Variants in ATRNL1 observed in about 807,000 individuals in gnomAD.
ATRNL1 encodes the protein attractin like 1, also known as attractin-like protein 1.
In ATRNL1, 95 loss-of-function variants were observed where a neutral mutation model predicts 182.7. The observed-to-expected ratio is 0.52, with a 90% CI of 0.44 to 0.62. The LOEUF (loss-of-function observed/expected upper bound fraction) is 0.62. Among genes scored for constraint, ATRNL1 ranks in the 20% least tolerant of loss-of-function variants. The probability of loss-of-function intolerance (pLI) is 0.00; values close to 1 mark genes in which losing one functional copy is unlikely to be tolerated. For synonymous variants in ATRNL1, 576 were observed against 568.3 expected, an observed-to-expected ratio of 1.01 and a Z score of -0.19; for missense variants, 1,471 against 1,679.5, an observed-to-expected ratio of 0.88 and a Z score of 2.17.
intron 13 of ATRNL1, among the ~76,000 whole-genome samples, chr10:115,270,866 T>C: frequency 6.6e-6 from 1 of 152,056 alleles, no homozygotes; most frequent in East Asian, 1.9e-4. Context: ...CCATTACAAG[T>C]CTACCCCTTG....
chr10:115,826,529 C>T (rs1950436513), intron 27 of ATRNL1, among the ~76,000 whole-genome samples: 1 of 152,134 alleles, frequency 6.6e-6, no homozygotes, highest in South Asian at 2.1e-4. Context: ...TTTACTCTCA[C>T]CTCCTGCAGC....
In ATRNL1 at chr10:115,866,498, T is replaced by C. The variant is rs78168986; in HGVS notation, c.4018+18507T>C. Reference sequence around the variant, plus strand: ...AGTAACTCTGTAAGGTAGATACTACTGTGTCTATTTGACAAATTAGCAAAA... The same window carrying C: ...AGTAACTCTGTAAGGTAGATACTACCGTGTCTATTTGACAAATTAGCAAAA... On this transcript the variant is annotated intron_variant, in intron 28 of 28. Transcript: ENST00000355044. Among the ~76,000 whole-genome samples the C allele has an allele frequency of 6.8e-4, 104 of 152,336 alleles. No individual in the cohort carries two copies. In the East Asian group the frequency reaches 0.019, roughly 29 times the overall value.
chr10:115,897,195 A>C (rs955394593), intron 28 of ATRNL1, among the ~76,000 whole-genome samples: 1 of 152,222 alleles, frequency 6.6e-6, no homozygotes, highest in Admixed American at 6.5e-5. Context: ...AAATATATTC[A>C]ATCTTGCTAA....
At chr10:115,764,162 G>T (rs1948799951) in intron 27 of ATRNL1, among the ~76,000 whole-genome samples, 1 of 151,974 alleles carries the variant, frequency 6.6e-6, no homozygotes, top group African/African-American at 2.4e-5. Flanking sequence ...TATTTTTTTA[G>T]AGCAGTTTTA....
chr10:115,459,473 G>A (rs1438298129), intron 21 of ATRNL1, among the ~76,000 whole-genome samples: 1 of 152,098 alleles, frequency 6.6e-6, no homozygotes, highest in Non-Finnish European at 1.5e-5. Flanking sequence ...TGTCTCTTAT[G>A]GTTGAGATTG....
At chr10:115,150,387 G>C (rs1323498559) in intron 5 of ATRNL1, among the ~76,000 whole-genome samples, 4 of 150,788 alleles carry the variant, frequency 2.7e-5, no homozygotes, top group African/African-American at 9.8e-5. Flanking sequence ...TTTGAGTTTG[G>C]TTTATTCTTA....
At chr10:115,509,304 G>A (rs1230076884) in intron 24 of ATRNL1, among the ~76,000 whole-genome samples, 2 of 151,978 alleles carry the variant, frequency 1.3e-5, no homozygotes, top group East Asian at 1.9e-4. Context: ...TTTCATGCCT[G>A]CTAACACAAT....
At chr10:115,201,570 G>C (rs1329025985) in intron 8 of ATRNL1, among the ~76,000 whole-genome samples, 2 of 152,094 alleles carry the variant, frequency 1.3e-5, no homozygotes, top group South Asian at 2.1e-4. Flanking sequence ...TGAGGGTTCT[G>C]TTCTGTTCCA....
At chr10:115,665,531 G>A (rs1860949694) in intron 26 of ATRNL1, among the ~76,000 whole-genome samples, 1 of 151,968 alleles carries the variant, frequency 6.6e-6, no homozygotes, top group Non-Finnish European at 1.5e-5. Flanking sequence ...ATGACGAGGA[G>A]GAAGAAGAAG....
At chr10:115,486,329 C>T (rs1230800589) in intron 24 of ATRNL1, among the ~76,000 whole-genome samples, 1 of 152,130 alleles carries the variant, frequency 6.6e-6, no homozygotes, top group Non-Finnish European at 1.5e-5. Flanking sequence ...ACACTGTCTT[C>T]CACAATGGTT....
At chr10:115,452,666 C>A (rs1195230034) in intron 21 of ATRNL1, among the ~76,000 whole-genome samples, 1 of 152,096 alleles carries the variant, frequency 6.6e-6, no homozygotes, top group Admixed American at 6.6e-5. Context: ...ATCCATCCAA[C>A]ACCTTAAGTT....
chr10:115,159,986 A>G (rs782813513), intron 5 of ATRNL1, 54 bp from the exon 6 acceptor site: 35 of 1,342,628 alleles, frequency 2.6e-5, no homozygotes, highest in Non-Finnish European at 3.1e-5. Context: ...TTGTATTTCT[A>G]TAATCTGAGG....
At chr10:115,781,404 GAT>G (rs1555079281) in intron 27 of ATRNL1, among the ~76,000 whole-genome samples, 1 of 152,162 alleles carries the variant, frequency 6.6e-6, no homozygotes, top group Non-Finnish European at 1.5e-5. Context: ...TGTACAAGAT[GAT>G]TTATGGCAGC....
intron 9 of ATRNL1, among the ~76,000 whole-genome samples, chr10:115,236,911 C>T (rs1554901561): frequency 6.6e-6 from 1 of 152,208 alleles, no homozygotes; most frequent in African/African-American, 2.4e-5. Context: ...TTATCTCTTC[C>T]TCCCTCCAAA....
At chr10:115,409,931 T>C (rs1401955642) in intron 20 of ATRNL1, among the ~76,000 whole-genome samples, 5 of 152,206 alleles carry the variant, frequency 3.3e-5, no homozygotes, top group African/African-American at 1.2e-4. Context: ...TTTTTTATCA[T>C]GGAGAGATGT....
At chr10:115,422,735 G>A (rs1373868724) in intron 20 of ATRNL1, among the ~76,000 whole-genome samples, 4 of 152,182 alleles carry the variant, frequency 2.6e-5, no homozygotes, top group Non-Finnish European at 5.9e-5. Flanking sequence ...GATGGAGCTG[G>A]AGGCCATTAT....
intron 19 of ATRNL1, among the ~76,000 whole-genome samples, chr10:115,359,724 T>C (rs1339569020): frequency 1.3e-5 from 2 of 151,640 alleles, no homozygotes; most frequent in African/African-American, 4.8e-5. Context: ...TATGTAACTC[T>C]CTTCAGTTTC....
chr10:115,871,730 T>C (rs1951591427), intron 28 of ATRNL1, among the ~76,000 whole-genome samples: 1 of 152,004 alleles, frequency 6.6e-6, no homozygotes, highest in African/African-American at 2.4e-5. Context: ...ATTTGAAAAT[T>C]TGTATGAAAA....
chr10:115,443,797 A>G (rs1251028853), intron 21 of ATRNL1, among the ~76,000 whole-genome samples: 1 of 152,068 alleles, frequency 6.6e-6, no homozygotes, highest in African/African-American at 2.4e-5. Flanking sequence ...TTTTTGCTAC[A>G]CATTCTGTAT....
Sources: gnomAD v4.1 joint callset for allele counts (sites outside exome capture counted in the v4.1 genomes callset) on GRCh38, gnomAD v4.1.1 for gene constraint, MANE v1.5 for transcripts, NCBI Gene and HGNC (gene_info 2026-07-23, HGNC 2026-07-21) for gene names.